PLS3: variants seen among roughly 807,000 people sequenced by gnomAD.
The protein encoded by PLS3 is plastin 3.
A neutral mutation model predicts 46.5 loss-of-function variants in PLS3; 11 were observed. That is an observed-to-expected ratio of 0.24 (90% CI 0.15 to 0.39). The LOEUF (loss-of-function observed/expected upper bound fraction) is 0.39, where lower values mean the gene tolerates loss of function less well. Among genes scored for constraint, PLS3 ranks in the 10% least tolerant of loss-of-function variants. PLS3 has a pLI of 1.00. For synonymous variants in PLS3, 167 were observed against 162.2 expected (o/e 1.03, Z -0.22); for missense variants, 308 against 461.8 (o/e 0.67, Z 3.05).
chrX:115,635,938 C>T (rs1375052387), intron 7 of PLS3, among the ~76,000 whole-genome samples: 1 of 107,966 alleles, frequency 9.3e-6, no homozygotes, highest in African/African-American at 3.4e-5. Context: ...TGCAGCGAGC[C>T]GAGATCATGG....
At chrX:115,649,360 A>G in intron 15 of PLS3, 69 bp from the exon 16 acceptor site, 3 of 867,022 alleles carry the variant, frequency 3.5e-6, no homozygotes, top group Non-Finnish European at 4.8e-6. Context: ...TATATGAGGA[A>G]ATAGATGTCT....
chrX:115,589,302 T>G (rs782814572), intron 1 of PLS3, among the ~76,000 whole-genome samples: 1 of 111,842 alleles, frequency 8.9e-6, no homozygotes, highest in East Asian at 2.8e-4. Flanking sequence ...TATTCTGACT[T>G]ATTTTTCCCC....
At chrX:115,566,167 A>G (rs917427862) in intron 1 of PLS3, among the ~76,000 whole-genome samples, 20 of 112,369 alleles carry the variant, frequency 1.8e-4, no homozygotes, top group African/African-American at 6.5e-4. Flanking sequence ...TCATAGAAAC[A>G]CTAAAGCTTT....
intron 1 of PLS3, among the ~76,000 whole-genome samples, chrX:115,585,307 A>G (rs372038148): frequency 1.8e-5 from 2 of 112,415 alleles, no homozygotes; most frequent in East Asian, 2.8e-4. Flanking sequence ...CTATTGAACA[A>G]ATATGAGCCA....
intron 14 of PLS3, 108 bp downstream of exon 14, chrX:115,647,781 T>A: frequency 8.8e-7 from 1 of 1,131,013 alleles, no homozygotes. Flanking sequence ...GTTGGGCTAA[T>A]GGCACAATTC....
intron 1 of PLS3, among the ~76,000 whole-genome samples, chrX:115,605,190 C>A (rs1433431071): frequency 9.0e-6 from 1 of 111,616 alleles, no homozygotes; most frequent in Non-Finnish European, 1.9e-5. Context: ...CTGAAACAAC[C>A]TTGTCTGGAA....
intron 1 of PLS3, among the ~76,000 whole-genome samples, chrX:115,588,015 G>A (rs2074321448): frequency 8.9e-6 from 1 of 112,136 alleles, no homozygotes; most frequent in Non-Finnish European, 1.9e-5. Flanking sequence ...TAATGTGTTA[G>A]ATTTTGTATA....
intron 1 of PLS3, among the ~76,000 whole-genome samples, chrX:115,567,079 G>C (rs1556630222): frequency 8.9e-6 from 1 of 111,962 alleles, no homozygotes; most frequent in African/African-American, 3.2e-5. Context: ...TAACTACTGA[G>C]TAGAATTTTG....
chrX:115,640,967 G>A (rs369810500), intron 9 of PLS3, among the ~76,000 whole-genome samples: 19 of 111,240 alleles, frequency 1.7e-4, no homozygotes, highest in East Asian at 1.4e-3. Context: ...ATTACTCTCA[G>A]AGACCATGTT....
At chrX:115,612,367 T>C (rs1335767001) in intron 2 of PLS3, among the ~76,000 whole-genome samples, 2 of 111,846 alleles carry the variant, frequency 1.8e-5, no homozygotes, top group Non-Finnish European at 3.8e-5. Context: ...GCCGAGTCTT[T>C]CGATTTTCTT....
chrX:115,645,842 G>A (rs782213236), intron 11 of PLS3, among the ~76,000 whole-genome samples: 2 of 111,583 alleles, frequency 1.8e-5, no homozygotes, highest in South Asian at 7.6e-4. Flanking sequence ...TTTGTCCTGT[G>A]GGCCCAGCCT....
chrX:115,586,536 A>G (rs74628568), intron 1 of PLS3, among the ~76,000 whole-genome samples: 1 of 103,042 alleles, frequency 9.7e-6, no homozygotes, highest in African/African-American at 3.5e-5. Flanking sequence ...AAAAATAGCC[A>G]TGTGTGGTGG....
At chrX:115,563,422 G>A (rs1396443684) in intron 1 of PLS3, among the ~76,000 whole-genome samples, 3 of 111,038 alleles carry the variant, frequency 2.7e-5, no homozygotes, top group Non-Finnish European at 3.8e-5. Context: ...ACCTATACCC[G>A]CCCAAGTGGC....
chrX:115,573,423 C>T (rs1215695583), intron 1 of PLS3, among the ~76,000 whole-genome samples: 1 of 111,966 alleles, frequency 8.9e-6, no homozygotes, highest in African/African-American at 3.2e-5. Flanking sequence ...CGAGCCACAC[C>T]CCATTTAGTT....
intron 10 of PLS3, among the ~76,000 whole-genome samples, chrX:115,643,724 A>C (rs888702444): frequency 2.7e-5 from 3 of 112,132 alleles, no homozygotes; most frequent in East Asian, 2.8e-4. Flanking sequence ...TAATCCCAGC[A>C]CTTTGGGAGG....
chrX:115,586,471 C>T (rs1217096808), intron 1 of PLS3, among the ~76,000 whole-genome samples: 1 of 99,442 alleles, frequency 1.0e-5, no homozygotes, highest in African/African-American at 3.7e-5. Context: ...GAGTTCGAGA[C>T]TAGCCTGGCC....
Position 115,613,226 on chromosome X carries a change from T to G in PLS3, c.73+2903T>G, listed in dbSNP as rs782368450. 5.4e-5 allele frequency among the ~76,000 whole-genome samples: 6 copies of G among 111,354 alleles called. No individual in the cohort carries two copies. The South Asian group carries it at 1.9e-3, about 35-fold the overall frequency. On this transcript the variant is annotated intron_variant, in intron 2 of 15. Coordinates refer to ENST00000355899, the MANE Select transcript of PLS3 (RefSeq NM_005032.7). The stretch of plus-strand genomic sequence containing the variant: ...AAACATGAATTCAGCACTTTTGAAA[T>G]AAAAGAATAATGGGTTTCTTAAATG...
At chrX:115,570,060 G>T (rs1422858764) in intron 1 of PLS3, among the ~76,000 whole-genome samples, 1 of 110,770 alleles carries the variant, frequency 9.0e-6, no homozygotes, top group Non-Finnish European at 1.9e-5. Flanking sequence ...CCTCAGCCTT[G>T]TGAGTAGCTG....
intron 1 of PLS3, among the ~76,000 whole-genome samples, chrX:115,606,834 T>G (rs782163942): frequency 9.0e-6 from 1 of 111,342 alleles, no homozygotes; most frequent in Non-Finnish European, 1.9e-5. Flanking sequence ...TTACGAATTT[T>G]AAAAAAAAAT....
Sources: allele counts gnomAD v4.1 joint callset (sites outside exome capture counted in the v4.1 genomes callset), GRCh38; gene constraint gnomAD v4.1.1; transcripts MANE v1.5; gene names NCBI Gene and HGNC (gene_info 2026-07-23, HGNC 2026-07-21).